The following PCDH11X variants were observed in gnomAD, a reference collection of about 807,000 sequenced individuals.
PCDH11X encodes the protein protocadherin 11 X-linked.
A neutral mutation model predicts 53.3 loss-of-function variants in PCDH11X; 18 were observed. The ratio of observed to expected loss-of-function variants is 0.34; its 90% confidence interval spans 0.23 to 0.50. PCDH11X has a LOEUF of 0.50. Ranked by LOEUF, PCDH11X falls within the 20% of genes least tolerant of loss-of-function variation. The probability of loss-of-function intolerance (pLI) is 0.98; values close to 1 mark genes in which losing one functional copy is unlikely to be tolerated. For synonymous variants in PCDH11X, 279 were observed against 393.3 expected, an observed-to-expected ratio of 0.71 and a Z score of 3.44; for missense variants, 570 against 1,032.4, an observed-to-expected ratio of 0.55 and a Z score of 6.14.
At chrX:92,122,648 C>T (rs1282312331) in intron 6 of PCDH11X, among the ~76,000 whole-genome samples, 4 of 111,726 alleles carry the variant, frequency 3.6e-5, no homozygotes, top group Non-Finnish European at 7.5e-5. Context: ...AAATCGTAAT[C>T]TGGGCCAGGA....
At chrX:92,012,667 G>C (rs965532726) in intron 6 of PCDH11X, among the ~76,000 whole-genome samples, 1 of 111,357 alleles carries the variant, frequency 9.0e-6, no homozygotes, top group Non-Finnish European at 1.9e-5. Context: ...TTGTGGGTGT[G>C]CAAAGGTAGA....
intron 6 of PCDH11X, among the ~76,000 whole-genome samples, chrX:92,200,927 A>G (rs2066380191): frequency 1.2e-5 from 1 of 82,789 alleles, no homozygotes; most frequent in African/African-American, 4.3e-5. Context: ...ATTTTATTTT[A>G]TTGAGACAAG....
At chrX:92,257,741 G>C (rs1278130163) in intron 7 of PCDH11X, among the ~76,000 whole-genome samples, 1 of 112,571 alleles carries the variant, frequency 8.9e-6, no homozygotes, top group Non-Finnish European at 1.9e-5. Flanking sequence ...GCAAACGGTG[G>C]GCTCCCAAAG....
At chrX:92,423,298 G>A (rs1421275383) in intron 9 of PCDH11X, among the ~76,000 whole-genome samples, 1 of 97,495 alleles carries the variant, frequency 1.0e-5, no homozygotes, top group African/African-American at 3.3e-5. Context: ...GTCCATTCAT[G>A]TACTTAGCCC....
intron 9 of PCDH11X, among the ~76,000 whole-genome samples, chrX:92,412,013 G>C (rs1232333214): frequency 8.5e-5 from 7 of 82,200 alleles, no homozygotes; most frequent in South Asian, 8.4e-4. Context: ...AGAAGAAGAA[G>C]AAGAGGAGGA....
intron 7 of PCDH11X, among the ~76,000 whole-genome samples, chrX:92,253,120 T>A (rs964093580): frequency 1.5e-4 from 17 of 111,883 alleles, no homozygotes; most frequent in African/African-American, 5.5e-4. Context: ...GCAATACTCT[T>A]GGGTAATAGA....
intron 10 of PCDH11X, among the ~76,000 whole-genome samples, chrX:92,563,215 G>A (rs1207025142): frequency 9.4e-6 from 1 of 106,197 alleles, no homozygotes; most frequent in Non-Finnish European, 1.9e-5. Flanking sequence ...TACAATCATG[G>A]TCAAAGGCAA....
chrX:91,828,927 A>C (rs758593546), intron 4 of PCDH11X, among the ~76,000 whole-genome samples: 2 of 110,759 alleles, frequency 1.8e-5, no homozygotes, highest in East Asian at 5.6e-4. Context: ...GTTTTTAGCC[A>C]TCACTTCCAA....
At chrX:92,338,039 G>C (rs1286258666) in intron 8 of PCDH11X, among the ~76,000 whole-genome samples, 1 of 111,111 alleles carries the variant, frequency 9.0e-6, no homozygotes, top group East Asian at 2.8e-4. Context: ...GGTTGGGGGG[G>C]TGTGGGTGTT....
In PCDH11X at chrX:92,054,922, C is replaced by T. The variant is rs750513368; in HGVS notation, c.3034-146453C>T. On this transcript the variant is annotated intron_variant, in intron 6 of 10. Transcript: ENST00000682573. ...TGAAACTGAAAACACATGTGACAAT[C>T]GTTGAAGGAAACCAGTTGCTCAAAA... Among the ~76,000 whole-genome samples, 5 of 95,367 alleles carry T rather than the reference C, an allele frequency of 5.2e-5. No homozygotes were observed. In the East Asian group the frequency reaches 1.3e-3, roughly 25 times the overall value. The allele number at this position is 95,367 out of a possible 115,157, so 82.8% of individuals were successfully genotyped here.
At chrX:91,977,935 C>T (rs930507921) in intron 6 of PCDH11X, among the ~76,000 whole-genome samples, 8 of 111,434 alleles carry the variant, frequency 7.2e-5, no homozygotes, top group African/African-American at 2.6e-4. Context: ...TTGTTTTCTC[C>T]TTCAAGTTGT....
At chrX:92,063,770 A>G (rs1202587116) in intron 6 of PCDH11X, among the ~76,000 whole-genome samples, 3 of 111,203 alleles carry the variant, frequency 2.7e-5, no homozygotes, top group Non-Finnish European at 5.7e-5. Flanking sequence ...TTGTGATATA[A>G]GGTTGATTCA....
At position 92,142,036 on chromosome X, in the gene PCDH11X, A is replaced by G. The variant is rs59908773; in HGVS notation, c.3034-59339A>G. Reference sequence around the variant, plus strand: ...TATAAGCTTAATGTACATTGTATAAATTAAGTTGGATTAATTTTAGAGATG... The same window carrying G: ...TATAAGCTTAATGTACATTGTATAAGTTAAGTTGGATTAATTTTAGAGATG... On this transcript the variant is annotated intron_variant, in intron 6 of 10. Transcript: ENST00000682573. 5.4e-3 allele frequency among the ~76,000 whole-genome samples: 608 copies of G among 111,783 alleles called. 3 individuals are homozygous for G. The highest frequency in any genetic ancestry group is 0.019 in the African/African-American group (588 of 30,886).
intron 5 of PCDH11X, among the ~76,000 whole-genome samples, chrX:91,864,400 G>T (rs1286620509): frequency 1.9e-5 from 2 of 105,639 alleles, no homozygotes; most frequent in Non-Finnish European, 3.8e-5. Context: ...GTGTGTGTGT[G>T]TGTTTGTGTA....
chrX:92,231,124 T>G (rs1245278085), intron 7 of PCDH11X, among the ~76,000 whole-genome samples: 1 of 111,636 alleles, frequency 9.0e-6, no homozygotes, highest in African/African-American at 3.3e-5. Context: ...AATGTGTCTA[T>G]GTATCATAGA....
At chrX:92,600,506 C>A (rs1259120978) in intron 10 of PCDH11X, among the ~76,000 whole-genome samples, 2 of 111,129 alleles carry the variant, frequency 1.8e-5, no homozygotes, top group African/African-American at 3.3e-5. Flanking sequence ...TGTGGGTGCA[C>A]AGAAGTCAAG....
At chrX:92,142,851 A>G (rs780123396) in intron 6 of PCDH11X, among the ~76,000 whole-genome samples, 22 of 108,537 alleles carry the variant, frequency 2.0e-4, no homozygotes, top group South Asian at 1.2e-3. Context: ...AATTGTGTGT[A>G]TATATATATA....
chrX:91,983,543 G>T (rs2062178393), intron 6 of PCDH11X: 1 of 486,284 alleles, frequency 2.1e-6, no homozygotes, highest in East Asian at 3.8e-5. Flanking sequence ...CTAGGAGGCG[G>T]CTATGGCCGG....
At chrX:92,150,924 C>A (rs1372806443) in intron 6 of PCDH11X, among the ~76,000 whole-genome samples, 1 of 110,399 alleles carries the variant, frequency 9.1e-6, no homozygotes, top group Non-Finnish European at 1.9e-5. Context: ...TTTTGTGGTT[C>A]CCCTGTGATG....
Sources: allele counts gnomAD v4.1 joint callset (sites outside exome capture counted in the v4.1 genomes callset), GRCh38; gene constraint gnomAD v4.1.1; transcripts MANE v1.5; gene names NCBI Gene and HGNC (gene_info 2026-07-23, HGNC 2026-07-21).